The following RAB40B variants were observed in gnomAD, a reference collection of about 807,000 sequenced individuals.
RAB40B encodes RAB40B, member RAS oncogene family.
In RAB40B, 21 loss-of-function variants were observed where a neutral mutation model predicts 24.0. That is an observed-to-expected ratio of 0.88 (90% CI 0.62 to 1.26). RAB40B has a LOEUF of 1.26. RAB40B is among the 50% of genes most tolerant of loss of function. The pLI is 0.00. For missense variants in RAB40B, 348 were observed against 390.5 expected, an observed-to-expected ratio of 0.89 and a Z score of 0.92; for synonymous variants, 167 against 169.8, an observed-to-expected ratio of 0.98 and a Z score of 0.13.
At chr17:82,661,342 C>G in intron 2 of RAB40B, 1 of 1,073,520 alleles carries the variant, frequency 9.3e-7, no homozygotes, top group African/African-American at 1.6e-5. Flanking sequence ...CTTTAAAAAA[C>G]TTGTTGAATC....
At chr17:82,686,260 T>G (rs962535518) in intron 1 of RAB40B, among the ~76,000 whole-genome samples, 1 of 150,900 alleles carries the variant, frequency 6.6e-6, no homozygotes, top group Non-Finnish European at 1.5e-5. Context: ...AACAGGCACC[T>G]GCCACCACGC....
At chr17:82,698,117 G>A (rs2046630755) in intron 1 of RAB40B, among the ~76,000 whole-genome samples, 1 of 151,984 alleles carries the variant, frequency 6.6e-6, no homozygotes, top group Non-Finnish European at 1.5e-5. Flanking sequence ...GGAGCCCAGC[G>A]CCCGGCCCAG....
chr17:82,692,705 T>C lies in RAB40B; in HGVS notation c.142+5750A>G, dbSNP rs973978274. Among the ~76,000 whole-genome samples the C allele has an allele frequency of 1.3e-5, 2 of 150,624 alleles. No individual in the cohort carries two copies. The highest frequency in any genetic ancestry group is 1.5e-5 in the Non-Finnish European group (1 of 67,518). ...GGTAAAACGATGCTTGTAGAGAACA[T>C]TTTTTTTTTAAATCTGGGAGCAGCA... On this transcript the variant is annotated intron_variant, in intron 1 of 5. Coordinates refer to ENST00000571995, the MANE Select transcript of RAB40B (RefSeq NM_006822.3). The surrounding 1 kb of genome is among the most constrained non-coding windows in gnomAD (Gnocchi z 4.0).
chr17:82,658,472 G>C lies in RAB40B; in HGVS notation c.565+19C>G. The C allele has an allele frequency of 6.2e-7, 1 of 1,609,816 alleles. No homozygotes were observed. ...ATCTGGAGGGCAGAGGTGGCCCCCG[G>C]AATAGCCCCTGGGCCTACCCTTGCT... On this transcript the variant is annotated intron_variant, in intron 5 of 5. Coordinates refer to ENST00000571995, the MANE Select transcript of RAB40B (RefSeq NM_006822.3).
intron 1 of RAB40B, among the ~76,000 whole-genome samples, chr17:82,693,303 G>A (rs1019579479): frequency 4.6e-5 from 7 of 151,890 alleles, no homozygotes; most frequent in Admixed American, 2.0e-4. Flanking sequence ...CACCAGGCCC[G>A]GCCGACTTGG....
In RAB40B at chr17:82,657,695, T is replaced by C; in HGVS notation, c.*168A>G. 1.2e-6 allele frequency: 1 copy of C among 848,258 alleles called. No individual in the cohort carries two copies. 52.5% of individuals were successfully genotyped at this position (848,258 alleles called of 1,614,324 possible). A position where few individuals can be genotyped will look rare whatever the true frequency, so the allele number is the denominator to read the frequency against. ...AGCTTCATGCACATCCACGTAGAAA[T>C]TCGAAGTCCGACGGGGTAGTGTGTT... On this transcript the variant is annotated 3_prime_UTR_variant, in exon 6 of 6. Transcript: ENST00000571995.
chr17:82,685,541 G>A (rs940716453), intron 1 of RAB40B, among the ~76,000 whole-genome samples: 5 of 152,096 alleles, frequency 3.3e-5, no homozygotes, highest in South Asian at 2.1e-4. Context: ...CCAGGCACCC[G>A]GCCTGCCTCC....
chr17:82,662,605 G>T (rs2046188373), intron 2 of RAB40B: 1 of 985,364 alleles, frequency 1.0e-6, no homozygotes, highest in Non-Finnish European at 1.2e-6. Context: ...CACACTCCGG[G>T]GTCCACGGTG....
intron 1 of RAB40B, 55 bp downstream of exon 1, chr17:82,698,400 G>T: frequency 2.2e-5 from 2 of 89,356 alleles, no homozygotes; most frequent in Non-Finnish European, 2.9e-5. Context: ...CCCCAGCCCC[G>T]CGCCCCTCCC....
rs1213499469 is a variant in RAB40B at position 82,667,554 on chromosome 17, A to G, written c.143-2998T>C. ...GCCCTGCCCCCTTCCTGGACTCCAGAGGCTCTTTCTGTGGTGCCACCAGAG... is the reference window on the plus strand; with the variant it reads ...GCCCTGCCCCCTTCCTGGACTCCAGGGGCTCTTTCTGTGGTGCCACCAGAG... On this transcript the variant is annotated intron_variant, in intron 1 of 5. Transcript: ENST00000571995. The surrounding 1 kb of genome is among the most constrained non-coding windows in gnomAD (Gnocchi z 4.3). 1.3e-5 allele frequency among the ~76,000 whole-genome samples: 2 copies of G among 152,022 alleles called. No homozygotes were observed. Among genetic ancestry groups the G allele is most frequent in the Non-Finnish European group, 2.9e-5 (2 of 68,006 alleles).
chr17:82,660,144 T>C (rs2046145762), intron 3 of RAB40B, among the ~76,000 whole-genome samples: 1 of 149,116 alleles, frequency 6.7e-6, no homozygotes, highest in African/African-American at 2.5e-5. Context: ...CGTGTACTCA[T>C]GCACAGACGC....
rs1023701852 is a variant in RAB40B at position 82,667,112 on chromosome 17, G to A, written c.143-2556C>T. ...CCACGATGTAGCCAGTGAGTGCCCA[G>A]AAACAGGCTCCTCTAAAAATGCGAG... On this transcript the variant is annotated intron_variant, in intron 1 of 5. Coordinates refer to ENST00000571995, the MANE Select transcript of RAB40B (RefSeq NM_006822.3). This position sits in a 1 kb window ranked among gnomAD's most constrained non-coding sequence, Gnocchi z 4.3. 6.6e-6 allele frequency among the ~76,000 whole-genome samples: 1 copy of A among 152,226 alleles called. No individual in the cohort carries two copies. Among genetic ancestry groups the A allele is most frequent in the African/African-American group, 2.4e-5 (1 of 41,460 alleles).
chr17:82,698,418 G>A (rs2046635356), intron 1 of RAB40B, 37 bp downstream of exon 1: 1 of 730,560 alleles, frequency 1.4e-6, no homozygotes, highest in Non-Finnish European at 1.6e-6. Flanking sequence ...CCCCGGCCCC[G>A]CGCCCGCACC....
At chr17:82,686,152 T>A (rs2046499171) in intron 1 of RAB40B, among the ~76,000 whole-genome samples, 1 of 139,656 alleles carries the variant, frequency 7.2e-6, no homozygotes, top group East Asian at 2.3e-4. Context: ...TCATCCAGGC[T>A]GGAGGCTGGA....
chr17:82,670,429 C>A (rs2046319030), intron 1 of RAB40B, among the ~76,000 whole-genome samples: 1 of 152,094 alleles, frequency 6.6e-6, no homozygotes. Context: ...AGGTAATCCA[C>A]CTGCCTTGGC....
intron 4 of RAB40B, chr17:82,659,118 A>C: frequency 8.2e-6 from 2 of 243,352 alleles, no homozygotes; most frequent in Non-Finnish European, 1.6e-5. Context: ...CCGTGAGAGA[A>C]TGCATTTCTG....
At chr17:82,660,565 C>T (rs1485613803) in intron 3 of RAB40B, among the ~76,000 whole-genome samples, 4 of 151,896 alleles carry the variant, frequency 2.6e-5, no homozygotes, top group Admixed American at 2.6e-4. Flanking sequence ...TACACACACA[C>T]ACGCACAGGC....
chr17:82,672,951 C>A (rs2046356017), intron 1 of RAB40B, among the ~76,000 whole-genome samples: 1 of 152,078 alleles, frequency 6.6e-6, no homozygotes, highest in African/African-American at 2.4e-5. Flanking sequence ...TGCCTGTAAT[C>A]CCAGCACTTT....
At position 82,655,231 on chromosome 17, in the gene RAB40B, T is replaced by C. The variant is rs2046079274; in HGVS notation, c.*2632A>G. ...AGCCGGAAGTCCAAAACCAATAACTTGGCAGGGCTGTGCTCCCTCTGGGAG... is the reference window on the plus strand; with the variant it reads ...AGCCGGAAGTCCAAAACCAATAACTCGGCAGGGCTGTGCTCCCTCTGGGAG... On this transcript the variant is annotated 3_prime_UTR_variant, in exon 6 of 6. Transcript: ENST00000571995. 6.6e-6 allele frequency: 1 copy of C among 152,038 alleles called. No individual in the cohort carries two copies. Among genetic ancestry groups the C allele is most frequent in the East Asian group, 1.9e-4 (1 of 5,182 alleles). The allele number at this position is 152,038 out of a possible 1,614,324, so 9.4% of individuals were successfully genotyped here.
Sources: allele counts gnomAD v4.1 joint callset (sites outside exome capture counted in the v4.1 genomes callset), GRCh38; gene constraint gnomAD v4.1.1; non-coding constraint Gnocchi (gnomAD v3.1); transcripts MANE v1.5; gene names NCBI Gene and HGNC (gene_info 2026-07-23, HGNC 2026-07-21).